LRP5: variants seen among roughly 807,000 people sequenced by gnomAD.
LRP5 encodes low-density lipoprotein receptor-related protein 5.
In LRP5, 62 loss-of-function variants were observed where a neutral mutation model predicts 154.1. The observed-to-expected ratio is 0.40, with a 90% CI of 0.33 to 0.50. LRP5 has a LOEUF of 0.50. LRP5 is among the 20% of genes least tolerant of loss of function. LRP5 has a pLI of 0.55. For missense variants in LRP5, 1,915 were observed against 2,336.7 expected (o/e 0.82, Z 3.72); for synonymous variants, 966 against 1,011.5 (o/e 0.96, Z 0.85).
rs1479052041 is a variant in LRP5 at position 68,386,289 on chromosome 11, CT to C, written c.1016-26del. ...TGTGCCTGCTGCAGGCCCTTGACCC[CT>C]GACCCCATTGCACCTGTCTCCACAG... On this transcript the variant is annotated intron_variant, in intron 5 of 22. Transcript: ENST00000294304. This position sits in a 1 kb window ranked among gnomAD's most constrained non-coding sequence, Gnocchi z 7.9. 1.2e-6 allele frequency: 2 copies of C among 1,608,568 alleles called. No individual in the cohort carries two copies. The highest frequency in any genetic ancestry group is 3.3e-5 in the Admixed American group (2 of 60,004).
At position 68,363,764 on chromosome 11, in the gene LRP5, G is replaced by A. The variant is rs1465935359; in HGVS notation, c.704G>A (p.Gly235Asp). Residue 235 changes from glycine to aspartate, a missense_variant, in exon 4 of 23, where the codon GGC becomes GAC. By Grantham distance (94) the Gly-to-Asp change is moderately conservative. Around this residue, in one of 3 missense-constraint regions of LRP5, gnomAD observed 773 missense variants for 1,100.9 expected, o/e 0.70. Transcript: ENST00000294304. Reference sequence around the variant, plus strand: ...GACTGCAGGCAGAAGGTGGTGGAGGGCAGCCTGACGCACCCCTTCGCCCTG... The same window carrying A: ...GACTGCAGGCAGAAGGTGGTGGAGGACAGCCTGACGCACCCCTTCGCCCTG... ...DGSFRQKVVE[G>D]SLTHPFALTL... The A allele has an allele frequency of 1.2e-6, 2 of 1,612,304 alleles. No individual in the cohort carries two copies. The highest frequency in any genetic ancestry group is 1.7e-6 in the Non-Finnish European group (2 of 1,179,766).
In LRP5 at chr11:68,312,687, G is replaced by A. The variant is rs893455790; in HGVS notation, c.-28G>A. 7.1e-6 allele frequency: 7 copies of A among 983,416 alleles called. No homozygotes were observed. Among genetic ancestry groups the A allele is most frequent in the African/African-American group, 1.8e-5 (1 of 56,202 alleles). The allele number at this position is 983,416 out of a possible 1,614,324, so 60.9% of individuals were successfully genotyped here. On this transcript the variant is annotated 5_prime_UTR_variant, in exon 1 of 23. Coordinates refer to ENST00000294304, the MANE Select transcript of LRP5 (RefSeq NM_002335.4). Reference sequence around the variant, plus strand: ...GCGCCATGGAGCCCGAGTGAGCGCGGCGCGGGCCCGTCCGGCCGCCGGACA... The same window carrying A: ...GCGCCATGGAGCCCGAGTGAGCGCGACGCGGGCCCGTCCGGCCGCCGGACA...
chr11:68,313,482 G>T (rs1413502333), intron 1 of LRP5, among the ~76,000 whole-genome samples: 1 of 152,180 alleles, frequency 6.6e-6, no homozygotes, highest in Non-Finnish European at 1.5e-5. Flanking sequence ...GGGGAGGCAG[G>T]CTTGTGCCTC....
intron 5 of LRP5, among the ~76,000 whole-genome samples, chr11:68,372,300 G>A (rs2098634485): frequency 6.7e-6 from 1 of 148,270 alleles, no homozygotes; most frequent in Non-Finnish European, 1.5e-5. Context: ...CCGGGACTGT[G>A]GTGATGAGGA....
At position 68,416,459 on chromosome 11, in the gene LRP5, C is replaced by G. The variant is rs61370283; in HGVS notation, c.2959C>G (p.Leu987Val). Residue 987 changes from leucine to valine, a missense_variant, in exon 13 of 23, where the codon CTG (leucine) becomes GTG (valine). Physicochemically the swap from Leu to Val is conservative, Grantham distance 32. Coordinates refer to ENST00000294304, the MANE Select transcript of LRP5 (RefSeq NM_002335.4). ...CGTCAAAGCCATCGACTATGACCCACTGGACAAGTTCATCTACTGGGTGGA... is the reference window on the plus strand; with the variant it reads ...CGTCAAAGCCATCGACTATGACCCAGTGGACAAGTTCATCTACTGGGTGGA... ...RNVKAIDYDP[L>V]DKFIYWVDGR... 1 of 1,614,226 alleles carries G rather than the reference C, an allele frequency of 6.2e-7. No homozygotes were observed. The highest frequency in any genetic ancestry group is 1.3e-5 in the African/African-American group (1 of 75,066).
rs1469933064 is a variant in LRP5 at position 68,349,084 on chromosome 11, G to GGC, written c.488+841_488+842insGC. 4.2e-5 allele frequency among the ~76,000 whole-genome samples: 6 copies of GGC among 144,102 alleles called. No homozygotes were observed. The Admixed American group carries it at 4.3e-4, about 10-fold the overall frequency. The allele number at this position is 144,102 out of a possible 152,430, so 94.5% of individuals were successfully genotyped here. A position where few individuals can be genotyped will look rare whatever the true frequency, so the allele number is the denominator to read the frequency against. On this transcript the variant is annotated intron_variant, in intron 2 of 22. Coordinates refer to ENST00000294304, the MANE Select transcript of LRP5 (RefSeq NM_002335.4). The stretch of plus-strand genomic sequence containing the variant: ...AGTCTCCCTTGTTGCCCAGGCTGGA[G>GGC]TGCAGTGGCACAATCTCGGCTCACT...
intron 13 of LRP5, among the ~76,000 whole-genome samples, chr11:68,422,382 G>A (rs1345498976): frequency 6.6e-6 from 1 of 152,202 alleles, no homozygotes; most frequent in East Asian, 1.9e-4. Flanking sequence ...GGTGGCAGGA[G>A]CCCAGGTGCT....
chr11:68,384,184 C>A (rs2098641755), intron 5 of LRP5, among the ~76,000 whole-genome samples: 1 of 152,220 alleles, frequency 6.6e-6, no homozygotes. Context: ...GGGCTCCTGT[C>A]TTTCCTTGAA....
intron 19 of LRP5, among the ~76,000 whole-genome samples, 167 bp downstream of exon 19, chr11:68,437,166 C>T (rs774032880): frequency 1.3e-5 from 2 of 152,172 alleles, no homozygotes; most frequent in Non-Finnish European, 1.5e-5. Context: ...CCCAGGGCAG[C>T]GGCCAGGAGG....
intron 16 of LRP5, among the ~76,000 whole-genome samples, chr11:68,428,334 C>T (rs766603969): frequency 3.9e-4 from 60 of 152,180 alleles, no homozygotes; most frequent in Non-Finnish European, 7.4e-4. Flanking sequence ...TAGTGTCCCA[C>T]GGCTGCTGTA....
chr11:68,409,629 C>T (rs2098658278), intron 9 of LRP5, among the ~76,000 whole-genome samples: 1 of 151,760 alleles, frequency 6.6e-6, no homozygotes, highest in African/African-American at 2.4e-5. Context: ...GGTGGATCAA[C>T]TGAGGTCTGG....
chr11:68,439,954 G>A lies in LRP5; in HGVS notation c.4488+38G>A, dbSNP rs566743057. Reference sequence around the variant, plus strand: ...GCCGGGGAGGGGCGGGGCGGGATGGGGCTGTGGGCCCCTCCCACCGTCAGT... The same window carrying A: ...GCCGGGGAGGGGCGGGGCGGGATGGAGCTGTGGGCCCCTCCCACCGTCAGT... On this transcript the variant is annotated intron_variant, in intron 21 of 22. Transcript: ENST00000294304. 271 of 1,481,864 alleles carry A rather than the reference G, an allele frequency of 1.8e-4. 2 individuals carry two copies. The South Asian group carries it at 3.3e-3, about 18-fold the overall frequency. The allele number at this position is 1,481,864 out of a possible 1,614,324, so 91.8% of individuals were successfully genotyped here. A position where few individuals can be genotyped will look rare whatever the true frequency, so the allele number is the denominator to read the frequency against.
chr11:68,334,912 G>A (rs2098604832), intron 1 of LRP5, among the ~76,000 whole-genome samples: 1 of 151,944 alleles, frequency 6.6e-6, no homozygotes, highest in Non-Finnish European at 1.5e-5. Flanking sequence ...ACATACACAC[G>A]TACAGTTGGT....
chr11:68,379,039 C>CT, intron 5 of LRP5, among the ~76,000 whole-genome samples: 1 of 151,304 alleles, frequency 6.6e-6, no homozygotes. Flanking sequence ...GAGCGAGACT[C>CT]TGTCTCAAAA....
intron 1 of LRP5, among the ~76,000 whole-genome samples, chr11:68,319,204 A>G (rs1050899468): frequency 6.6e-6 from 1 of 150,748 alleles, no homozygotes; most frequent in Non-Finnish European, 1.5e-5. Flanking sequence ...AGTAGCTGGG[A>G]CTACAGGCAT....
At chr11:68,302,247 G>A in the LRP5 span, among the ~76,000 whole-genome samples, 2 of 150,642 alleles carry the variant, frequency 1.3e-5, no homozygotes, top group African/African-American at 4.9e-5. Context: ...TCAGGAGGCT[G>A]AGGCAGGGGG....
intron 2 of LRP5, among the ~76,000 whole-genome samples, chr11:68,351,785 G>A (rs1244162205): frequency 6.6e-6 from 1 of 152,200 alleles, no homozygotes; most frequent in Non-Finnish European, 1.5e-5. Flanking sequence ...ATAAAGCAGT[G>A]CTTGGGTGCT....
At chr11:68,307,229 T>C in the LRP5 span, among the ~76,000 whole-genome samples, 1 of 152,018 alleles carries the variant, frequency 6.6e-6, no homozygotes, top group African/African-American at 2.4e-5. Flanking sequence ...CCCAACACTT[T>C]GGGAGGCCAG....
intron 5 of LRP5, among the ~76,000 whole-genome samples, chr11:68,369,957 A>G (rs2098633145): frequency 1.3e-5 from 2 of 152,060 alleles, no homozygotes; most frequent in African/African-American, 2.4e-5. Flanking sequence ...CCATGCCCTT[A>G]TCACCTTCAT....
Sources: allele counts gnomAD v4.1 joint callset (sites outside exome capture counted in the v4.1 genomes callset), GRCh38; gene constraint gnomAD v4.1.1; regional missense constraint gnomAD v4.1.1; non-coding constraint Gnocchi (gnomAD v3.1); transcripts MANE v1.5; gene names NCBI Gene and HGNC (gene_info 2026-07-23, HGNC 2026-07-21).